MYO1G: variants seen among roughly 807,000 people sequenced by gnomAD.
MYO1G encodes myosin IG.
MYO1G carries 65 observed loss-of-function variants against 115.3 expected under a neutral mutation model. The ratio of observed to expected loss-of-function variants is 0.56; its 90% CI spans 0.46 to 0.69. MYO1G has a LOEUF of 0.69. Among genes scored for constraint, MYO1G ranks in the 30% least tolerant of loss-of-function variants. The probability of loss-of-function intolerance (pLI) is 0.00; values close to 1 mark genes in which losing one functional copy is unlikely to be tolerated. For synonymous variants in MYO1G, 510 were observed against 552.6 expected, an observed-to-expected ratio of 0.92 and a Z score of 1.08; for missense variants, 1,204 against 1,393.5, an observed-to-expected ratio of 0.86 and a Z score of 2.16.
rs1583789349 is a variant in MYO1G at position 44,969,708 on chromosome 7, G to A, written c.1500C>T (p.Arg500=). 2 of 1,611,140 alleles carry A rather than the reference G, an allele frequency of 1.2e-6. No individual in the cohort carries two copies. The highest frequency in any genetic ancestry group is 2.7e-5 in the African/African-American group (2 of 74,872). Residue 500 remains arginine (R), a synonymous_variant, in exon 11 of 22, where the codon CGC becomes CGT. Coordinates refer to ENST00000258787, the MANE Select transcript of MYO1G (RefSeq NM_033054.3). The surrounding 1 kb of genome is among the most constrained non-coding windows in gnomAD (Gnocchi z 5.0). ...GCACTGGGACAGCCGGGGGCACCTG[G>A]CGGCTGGTGTAGTGTAGGTGATGGC... The part of the protein sequence containing the change: ...HHRHHLHYTS[R]QLCPTDKTME...
In MYO1G at chr7:44,964,188, G is replaced by A; in HGVS notation, c.2632-26C>T. 1.3e-6 allele frequency: 2 copies of A among 1,553,542 alleles called. No individual in the cohort carries two copies. Among genetic ancestry groups the A allele is most frequent in the South Asian group, 1.2e-5 (1 of 85,634 alleles). ...CTGTGGGAGAGGTGGCTGGACCCAG[G>A]CTGGTGCTGCCCTGTCACCCACCAG... On this transcript the variant is annotated intron_variant, in intron 19 of 21. Coordinates refer to ENST00000258787, the MANE Select transcript of MYO1G (RefSeq NM_033054.3). The surrounding 1 kb of genome is among the most constrained non-coding windows in gnomAD (Gnocchi z 5.1).
At chr7:44,970,227 C>A in intron 9 of MYO1G, 73 bp from the exon 10 acceptor site, 1 of 1,012,704 alleles carries the variant, frequency 9.9e-7, no homozygotes. Flanking sequence ...GGCTGCTCCC[C>A]TGAACATCTC....
intron 5 of MYO1G, chr7:44,972,977 G>T (rs986277024): frequency 6.6e-6 from 1 of 151,900 alleles, no homozygotes; most frequent in Non-Finnish European, 1.5e-5. Flanking sequence ...GTCCCAAGGG[G>T]CTCCCACTAG....
Position 44,966,728 on chromosome 7 carries a change from C to T in MYO1G, c.1893G>A (p.Val631=), listed in dbSNP as rs1199423429. 37 of 1,613,282 alleles carry T rather than the reference C, an allele frequency of 2.3e-5. No homozygotes were observed. Among genetic ancestry groups the T allele is most frequent in the Admixed American group, 8.3e-5 (5 of 60,004 alleles). ...AAGCGAAGCCAGCCCTGCGGACCCT[C>T]ACATTCTCCAGCAGCCCCAGGTATG... The part of the protein sequence containing the change: ...QVAYLGLLEN[V]RVRRAGFASR... Residue 631 remains valine (V), a synonymous_variant, in exon 15 of 22, where the codon GTG becomes GTA. Transcript: ENST00000258787. This position sits in a 1 kb window ranked among gnomAD's most constrained non-coding sequence, Gnocchi z 5.0.
intron 2 of MYO1G, 26 bp from the exon 3 acceptor site, chr7:44,976,683 A>T: frequency 6.2e-7 from 1 of 1,613,702 alleles, no homozygotes; most frequent in Non-Finnish European, 8.5e-7. Flanking sequence ...GAGTTGAGAG[A>T]ATCAGCCAGG....
rs7788686 is a variant in MYO1G at position 44,970,797 on chromosome 7, C to T, written c.1071+38G>A. Reference sequence around the variant, plus strand: ...CTGGCCTGGCCTCCCCCATGAAGGCCTCCTGGGCTTCCCTCCCTGTGCCTG... The same window carrying T: ...CTGGCCTGGCCTCCCCCATGAAGGCTTCCTGGGCTTCCCTCCCTGTGCCTG... On this transcript the variant is annotated intron_variant, in intron 8 of 21. Transcript: ENST00000258787. 8.8e-3 allele frequency: 14,213 copies of T among 1,613,500 alleles called. 72 individuals are homozygous for T. The highest frequency in any genetic ancestry group is 0.011 in the Non-Finnish European group (12,871 of 1,179,818).
chr7:44,963,132 G>A lies in MYO1G; in HGVS notation c.2746-8C>T. On this transcript the variant is annotated splice_region_variant and splice_polypyrimidine_tract_variant and intron_variant, in intron 20 of 21. Coordinates refer to ENST00000258787, the MANE Select transcript of MYO1G (RefSeq NM_033054.3). The surrounding 1 kb of genome is among the most constrained non-coding windows in gnomAD (Gnocchi z 4.1). The stretch of plus-strand genomic sequence containing the variant: ...CACGCTCAGCCCCGTCACCTGAGCG[G>A]AGCGCGGGGTCAGAGTGCAGCCGCC... 6.9e-7 allele frequency: 1 copy of A among 1,450,122 alleles called. No individual in the cohort carries two copies. The highest frequency in any genetic ancestry group is 9.0e-7 in the Non-Finnish European group (1 of 1,105,688). 89.8% of individuals were successfully genotyped at this position (1,450,122 alleles called of 1,614,324 possible).
intron 5 of MYO1G, chr7:44,973,047 G>T (rs541524315): frequency 6.6e-6 from 1 of 152,154 alleles, no homozygotes; most frequent in Non-Finnish European, 1.5e-5. Flanking sequence ...CACCTCATAG[G>T]GGAATGGAGA....
rs1049680804 is a variant in MYO1G at position 44,969,554 on chromosome 7, C to G, written c.1504-71G>C. 1.3e-6 allele frequency: 2 copies of G among 1,585,140 alleles called. No homozygotes were observed. The highest frequency in any genetic ancestry group is 1.7e-6 in the Non-Finnish European group (2 of 1,154,756). On this transcript the variant is annotated intron_variant, in intron 11 of 21. Coordinates refer to ENST00000258787, the MANE Select transcript of MYO1G (RefSeq NM_033054.3). This position sits in a 1 kb window ranked among gnomAD's most constrained non-coding sequence, Gnocchi z 5.0. The stretch of plus-strand genomic sequence containing the variant: ...TCTGTATGAAGGGATAGCCCTGCCT[C>G]CCCACCTCCAGGGCAGAGAAGGTTG...
intron 5 of MYO1G, chr7:44,973,943 G>GA (rs1041650615): frequency 6.6e-6 from 1 of 151,894 alleles, no homozygotes; most frequent in Non-Finnish European, 1.5e-5. Flanking sequence ...CCACCAGGGG[G>GA]AGGCTCAGAG....
In MYO1G at chr7:44,963,285, C is replaced by T; in HGVS notation, c.2746-161G>A. 2.6e-6 allele frequency: 2 copies of T among 759,342 alleles called. No homozygotes were observed. The highest frequency in any genetic ancestry group is 3.9e-6 in the Non-Finnish European group (2 of 507,632). 47.0% of individuals were successfully genotyped at this position (759,342 alleles called of 1,614,324 possible). A position where few individuals can be genotyped will look rare whatever the true frequency, so the allele number is the denominator to read the frequency against. On this transcript the variant is annotated intron_variant, in intron 20 of 21. Transcript: ENST00000258787. The surrounding 1 kb of genome is among the most constrained non-coding windows in gnomAD (Gnocchi z 4.1). ...CCCCCCACCGCCCCCTCCTCCCTCT[C>T]GGGGCCCTGCTGACAGGGGGAAGCT...
chr7:44,964,108 G>C lies in MYO1G; in HGVS notation c.2686C>G (p.Leu896Val). The C allele has an allele frequency of 6.2e-7, 1 of 1,607,500 alleles. No homozygotes were observed. Among genetic ancestry groups the C allele is most frequent in the Non-Finnish European group, 8.5e-7 (1 of 1,177,154 alleles). ...TGCCGGTCAGGGTCCAGCTTGTAGAGGTGCTGGTCTGTGAGCAGGAGGGCC... is the reference window on the plus strand; with the variant it reads ...TGCCGGTCAGGGTCCAGCTTGTAGACGTGCTGGTCTGTGAGCAGGAGGGCC... ...NRALLLTDQHLYKLDPDRQYR... is the reference protein window; with the variant it reads ...NRALLLTDQHVYKLDPDRQYR... Residue 896 changes from leucine to valine, a missense_variant, in exon 20 of 22, where the codon CTC becomes GTC. By Grantham distance (32) the Leu-to-Val change is conservative. Transcript: ENST00000258787. This position sits in a 1 kb window ranked among gnomAD's most constrained non-coding sequence, Gnocchi z 5.1.
chr7:44,972,050 C>A, intron 6 of MYO1G, 65 bp downstream of exon 6: 1 of 1,289,094 alleles, frequency 7.8e-7, no homozygotes, highest in South Asian at 1.2e-5. Context: ...CTGCCCATTC[C>A]CTACCACCAC....
chr7:44,975,711 T>A, intron 3 of MYO1G, 62 bp from the exon 4 acceptor site: 1 of 1,466,762 alleles, frequency 6.8e-7, no homozygotes. Context: ...ATGCTGTCTC[T>A]GCCCCTGAGT....
In MYO1G at chr7:44,964,579, A is replaced by G. The variant is rs547657890; in HGVS notation, c.2527-60T>C. The G allele has an allele frequency of 1.7e-4, 225 of 1,307,852 alleles. 1 individual carries two copies. The Admixed American group carries it at 3.8e-3, about 22-fold the overall frequency. 81.0% of individuals were successfully genotyped at this position (1,307,852 alleles called of 1,614,324 possible). A position where few individuals can be genotyped will look rare whatever the true frequency, so the allele number is the denominator to read the frequency against. On this transcript the variant is annotated intron_variant, in intron 18 of 21. Coordinates refer to ENST00000258787, the MANE Select transcript of MYO1G (RefSeq NM_033054.3). This position sits in a 1 kb window ranked among gnomAD's most constrained non-coding sequence, Gnocchi z 5.1. ...GGATTGAGTCATGGGACCAGACTCA[A>G]TTGATAGCAGCTGTCTGTGAATCAG...
In MYO1G at chr7:44,962,706, T is replaced by G. The variant is rs775673319; in HGVS notation, c.*33A>C. The G allele has an allele frequency of 6.9e-7, 1 of 1,453,726 alleles. No individual in the cohort carries two copies. Among genetic ancestry groups the G allele is most frequent in the Non-Finnish European group, 9.0e-7 (1 of 1,112,452 alleles). 90.1% of individuals were successfully genotyped at this position (1,453,726 alleles called of 1,614,324 possible). On this transcript the variant is annotated 3_prime_UTR_variant, in exon 22 of 22. Coordinates refer to ENST00000258787, the MANE Select transcript of MYO1G (RefSeq NM_033054.3). The surrounding 1 kb of genome is among the most constrained non-coding windows in gnomAD (Gnocchi z 5.3). ...TTTGCAGCGCTGGCGGGGCGGACAA[T>G]TGGCGGCCTCGGGGTGCGGCGGGTG...
In MYO1G at chr7:44,964,645, T is replaced by C. The variant is rs1370800907; in HGVS notation, c.2527-126A>G. The C allele has an allele frequency of 1.2e-6, 1 of 863,820 alleles. No homozygotes were observed. The highest frequency in any genetic ancestry group is 1.7e-5 in the African/African-American group (1 of 60,236). The allele number at this position is 863,820 out of a possible 1,614,324, so 53.5% of individuals were successfully genotyped here. On this transcript the variant is annotated intron_variant, in intron 18 of 21. Coordinates refer to ENST00000258787, the MANE Select transcript of MYO1G (RefSeq NM_033054.3). The surrounding 1 kb of genome is among the most constrained non-coding windows in gnomAD (Gnocchi z 5.1). ...TCTCGGGAAACTGAGTCACACAGAC[T>C]TGTGCGTGAGCTGAGCAGCCCTGGA... is the stretch of plus-strand genomic sequence containing the variant.
intron 3 of MYO1G, 42 bp from the exon 4 acceptor site, chr7:44,975,691 C>T (rs1562833992): frequency 6.5e-7 from 1 of 1,529,244 alleles, no homozygotes; most frequent in East Asian, 2.3e-5. Flanking sequence ...AAAGACTTCC[C>T]ATCTGGGGAA....
At position 44,964,315 on chromosome 7, in the gene MYO1G, C is replaced by T; in HGVS notation, c.2631+100G>A. 7.3e-7 allele frequency: 1 copy of T among 1,366,916 alleles called. No homozygotes were observed. The highest frequency in any genetic ancestry group is 1.0e-6 in the Non-Finnish European group (1 of 961,288). The allele number at this position is 1,366,916 out of a possible 1,614,324, so 84.7% of individuals were successfully genotyped here. Reference sequence around the variant, plus strand: ...CCTGGGCTGGGGTTGCCTCCATTTTCTCCCAAGTGCCCCCCCAAAACTCTG... The same window carrying T: ...CCTGGGCTGGGGTTGCCTCCATTTTTTCCCAAGTGCCCCCCCAAAACTCTG... On this transcript the variant is annotated intron_variant, in intron 19 of 21. Coordinates refer to ENST00000258787, the MANE Select transcript of MYO1G (RefSeq NM_033054.3). The surrounding 1 kb of genome is among the most constrained non-coding windows in gnomAD (Gnocchi z 5.1).
Sources: gnomAD v4.1 joint callset for allele counts on GRCh38, gnomAD v4.1.1 for gene constraint, Gnocchi (gnomAD v3.1) non-coding constraint, MANE v1.5 for transcripts, NCBI Gene and HGNC (gene_info 2026-07-23, HGNC 2026-07-21) for gene names.